MAGI2: variants seen among roughly 807,000 people sequenced by gnomAD.
The protein encoded by MAGI2 is membrane associated guanylate kinase, WW and PDZ domain containing 2.
In MAGI2, 35 loss-of-function variants were observed where a neutral mutation model predicts 133.3. That is an observed-to-expected ratio of 0.26 (90% CI 0.20 to 0.35). The LOEUF is 0.35. MAGI2 is among the 10% of genes least tolerant of loss of function. The pLI, the probability that MAGI2 is intolerant of heterozygous loss-of-function variation, is 1.00. For missense variants in MAGI2, 1,636 were observed against 1,863.4 expected, an observed-to-expected ratio of 0.88 and a Z score of 2.25; for synonymous variants, 729 against 710.6, an observed-to-expected ratio of 1.03 and a Z score of -0.41.
intron 11 of MAGI2, among the ~76,000 whole-genome samples, chr7:78,199,774 T>A (rs1269022278): frequency 2.0e-5 from 3 of 152,198 alleles, no homozygotes; most frequent in African/African-American, 7.2e-5. Flanking sequence ...TACATTGAGT[T>A]CTATAAAACA....
At chr7:78,832,127 A>G (rs1203422192) in intron 2 of MAGI2, among the ~76,000 whole-genome samples, 4 of 151,798 alleles carry the variant, frequency 2.6e-5, no homozygotes, top group African/African-American at 9.7e-5. Flanking sequence ...AACATGATGA[A>G]CCCTAACTAA....
rs1172886500 is a variant in MAGI2, at chr7:78,017,686, TCTC to T, written c.*1626_*1628del. On this transcript the variant is annotated 3_prime_UTR_variant, in exon 22 of 22. Coordinates refer to ENST00000354212, the MANE Select transcript of MAGI2 (RefSeq NM_012301.4). ...CTTCACTTGAGGCTTTCAGCCTTAT[TCTC>T]CTCCTGTCAAACAACTAAACTACTC... 6 of 152,686 alleles carry T rather than the reference TCTC, an allele frequency of 3.9e-5. No individual in the cohort carries two copies. Among genetic ancestry groups the T allele is most frequent in the Admixed American group, 6.5e-5 (1 of 15,292 alleles). 9.5% of individuals were successfully genotyped at this position (152,686 alleles called of 1,614,324 possible).
intron 1 of MAGI2, among the ~76,000 whole-genome samples, chr7:79,060,728 G>T (rs929932427): frequency 2.0e-5 from 3 of 152,088 alleles, no homozygotes; most frequent in South Asian, 4.1e-4. Context: ...CTTACCCCAT[G>T]AGTCTTTCAC....
At chr7:79,183,363 G>C (rs536917399) in intron 1 of MAGI2, among the ~76,000 whole-genome samples, 20 of 151,710 alleles carry the variant, frequency 1.3e-4, no homozygotes, top group African/African-American at 4.6e-4. Flanking sequence ...AATTTTAAAA[G>C]ATATAAAACA....
chr7:79,071,756 C>G (rs1178417023), intron 1 of MAGI2, among the ~76,000 whole-genome samples: 2 of 152,010 alleles, frequency 1.3e-5, no homozygotes, highest in Non-Finnish European at 2.9e-5. Flanking sequence ...GCTTTGTTTA[C>G]ACTGTGAGGG....
intron 2 of MAGI2, among the ~76,000 whole-genome samples, chr7:78,814,111 T>TA (rs1789343131): frequency 1.3e-5 from 2 of 152,064 alleles, no homozygotes; most frequent in African/African-American, 4.8e-5. Flanking sequence ...TAAAAATCAA[T>TA]AAAAAAGCCA....
chr7:78,369,547 C>T (rs908172787), intron 6 of MAGI2, among the ~76,000 whole-genome samples: 12 of 151,996 alleles, frequency 7.9e-5, no homozygotes, highest in Non-Finnish European at 1.2e-4. Context: ...ATATGTTTCT[C>T]TTATTTATTT....
rs182470544 is a variant in MAGI2, at chr7:79,043,350, C to T, written c.302-36144G>A. Among the ~76,000 whole-genome samples, 161 of 151,692 alleles carry T rather than the reference C, an allele frequency of 1.1e-3. 1 individual carries two copies. Among genetic ancestry groups the T allele is most frequent in the African/African-American group, 3.9e-3 (160 of 41,352 alleles). ...ACGAGGTCAGGGGTTTGAGAACAGC[C>T]TGACCAACATGGTGAAACCCCGTCT... On this transcript the variant is annotated intron_variant, in intron 1 of 21. Transcript: ENST00000354212.
At chr7:78,591,871 TAAG>T (rs1329982084) in intron 3 of MAGI2, among the ~76,000 whole-genome samples, 2 of 152,090 alleles carry the variant, frequency 1.3e-5, no homozygotes, top group African/African-American at 2.4e-5. Context: ...CACAAAAATA[TAAG>T]AAGAGCAAGA....
At chr7:78,573,284 T>TA (rs1563188890) in intron 3 of MAGI2, among the ~76,000 whole-genome samples, 15 of 26,838 alleles carry the variant, frequency 5.6e-4, no homozygotes, top group Admixed American at 7.1e-4. Flanking sequence ...ATATATATAT[T>TA]TATATAAATA....
Position 78,627,125 on chromosome 7 carries a change from T to G in MAGI2, c.533A>C (p.Tyr178Ser). 1 of 1,583,452 alleles carries G rather than the reference T, an allele frequency of 6.3e-7. No individual in the cohort carries two copies. Among genetic ancestry groups the G allele is most frequent in the East Asian group, 2.3e-5 (1 of 42,770 alleles). ...CTCAGGAACGTTGTGCTTACCTTCATAAGTCCCACTTTCTAGGAGAGCACC... is the reference window on the plus strand; with the variant it reads ...CTCAGGAACGTTGTGCTTACCTTCAGAAGTCCCACTTTCTAGGAGAGCACC... ...KSGALLESGT[Y>S]EDNYYGTPKP... is the part of the protein sequence containing the mutation. Residue 178 changes from tyrosine (Y) to serine (S), a missense_variant, in exon 3 of 22, where the codon TAT becomes TCT. Around this residue, in one of 5 missense-constraint regions of MAGI2, gnomAD observed 148 missense variants for 239.0 expected, o/e 0.62. Transcript: ENST00000354212.
chr7:78,555,810 G>T (rs1462671038), intron 3 of MAGI2, among the ~76,000 whole-genome samples: 2 of 152,162 alleles, frequency 1.3e-5, no homozygotes, highest in Non-Finnish European at 2.9e-5. Context: ...GCCCAAAGAT[G>T]TGTTTATCTA....
chr7:78,850,865 C>T (rs141114696), intron 2 of MAGI2, among the ~76,000 whole-genome samples: 71 of 152,036 alleles, frequency 4.7e-4, no homozygotes, highest in Non-Finnish European at 8.8e-4. Flanking sequence ...AGCAAGTCTA[C>T]GAACAAAGAT....
intron 2 of MAGI2, among the ~76,000 whole-genome samples, chr7:78,737,405 G>T (rs1380419811): frequency 6.6e-6 from 1 of 152,102 alleles, no homozygotes; most frequent in South Asian, 2.1e-4. Flanking sequence ...AAAAATAAAG[G>T]TTCATTGATA....
intron 2 of MAGI2, among the ~76,000 whole-genome samples, chr7:78,810,683 G>A (rs1034534926): frequency 3.9e-5 from 6 of 151,970 alleles, no homozygotes; most frequent in Non-Finnish European, 7.4e-5. Flanking sequence ...TCTAGATAAT[G>A]ACAACATGAC....
chr7:79,333,711 T>A (rs1035621396), intron 1 of MAGI2, among the ~76,000 whole-genome samples: 1 of 152,154 alleles, frequency 6.6e-6, no homozygotes, highest in South Asian at 2.1e-4. Flanking sequence ...GAATGTTTAA[T>A]TAATTTGTTA....
intron 6 of MAGI2, among the ~76,000 whole-genome samples, chr7:78,457,578 A>T (rs1041429262): frequency 6.6e-6 from 1 of 152,234 alleles, no homozygotes; most frequent in African/African-American, 2.4e-5. Context: ...TGACATATTA[A>T]AACATGATAG....
At chr7:79,209,172 G>C (rs1829299236) in intron 1 of MAGI2, among the ~76,000 whole-genome samples, 1 of 151,756 alleles carries the variant, frequency 6.6e-6, no homozygotes, top group Non-Finnish European at 1.5e-5. Flanking sequence ...TGGATATAAA[G>C]TGTTCTCACT....
intron 2 of MAGI2, chr7:79,000,151 C>G (rs948630148): frequency 6.6e-6 from 1 of 152,124 alleles, no homozygotes; most frequent in African/African-American, 2.4e-5. Context: ...TACAGTTCAA[C>G]TTAACATCCC....
Sources: allele counts gnomAD v4.1 joint callset (sites outside exome capture counted in the v4.1 genomes callset), GRCh38; gene constraint gnomAD v4.1.1; regional missense constraint gnomAD v4.1.1; transcripts MANE v1.5; gene names NCBI Gene and HGNC (gene_info 2026-07-23, HGNC 2026-07-21).